Variants in HHLA2 observed in about 807,000 individuals in gnomAD.
The protein encoded by HHLA2 is HHLA2 member of B7 family, also known as HERV-H LTR-associating protein 2.
In HHLA2, 48 loss-of-function variants were observed where a neutral mutation model predicts 45.9. The observed-to-expected ratio is 1.05, with a 90% CI of 0.83 to 1.33. The LOEUF is 1.33. HHLA2 is among the 40% of genes most tolerant of loss of function. The probability of loss-of-function intolerance (pLI) is 0.00; values close to 1 mark genes in which losing one functional copy is unlikely to be tolerated. For synonymous variants in HHLA2, 161 were observed against 173.9 expected (o/e 0.93, Z 0.59); for missense variants, 462 against 494.3 (o/e 0.93, Z 0.62).
chr3:108,298,390 T>G (rs1383299913), intron 1 of HHLA2, among the ~76,000 whole-genome samples: 4 of 152,370 alleles, frequency 2.6e-5, no homozygotes, highest in East Asian at 3.9e-4. Flanking sequence ...AACACAATAC[T>G]ATCTTTATAA....
chr3:108,312,508 A>C (rs150318816), intron 2 of HHLA2, among the ~76,000 whole-genome samples: 2 of 7,540 alleles, frequency 2.7e-4, no homozygotes, highest in African/African-American at 3.2e-4. Flanking sequence ...CTTTGTATAC[A>C]CTCTTCCAGA....
At chr3:108,352,145 A>AT (rs10718672) in intron 4 of HHLA2, among the ~76,000 whole-genome samples, 25,274 of 150,426 alleles carry the variant, frequency 0.17, 2,766 homozygotes, top group Non-Finnish European at 0.25. Context: ...TGATTGATTG[A>AT]TTTTTTTTTT....
intron 7 of HHLA2, among the ~76,000 whole-genome samples, chr3:108,361,924 A>G (rs568564014): frequency 6.6e-6 from 1 of 152,356 alleles, no homozygotes; most frequent in South Asian, 2.1e-4. Flanking sequence ...ATTTATGGAC[A>G]TAATTATTCC....
At chr3:108,369,291 C>A (rs766786381) in intron 8 of HHLA2, among the ~76,000 whole-genome samples, 40 of 152,256 alleles carry the variant, frequency 2.6e-4, no homozygotes, top group Non-Finnish European at 5.6e-4. Flanking sequence ...AAAATCAACA[C>A]CCTAACATCA....
intron 2 of HHLA2, among the ~76,000 whole-genome samples, chr3:108,311,611 T>C (rs1430762724): frequency 6.6e-6 from 1 of 152,162 alleles, no homozygotes; most frequent in Non-Finnish European, 1.5e-5. Flanking sequence ...GATTGGGTAT[T>C]GGGCACAAGA....
chr3:108,319,443 T>G (rs964982833), intron 2 of HHLA2, among the ~76,000 whole-genome samples: 1 of 152,190 alleles, frequency 6.6e-6, no homozygotes, highest in Non-Finnish European at 1.5e-5. Flanking sequence ...CTTCTCCTTG[T>G]CCTTCTTGAA....
chr3:108,304,867 T>G (rs774546163), intron 1 of HHLA2, among the ~76,000 whole-genome samples: 1 of 152,196 alleles, frequency 6.6e-6, no homozygotes, highest in Non-Finnish European at 1.5e-5. Context: ...GCTGTATAAA[T>G]AGTCACATTA....
intron 8 of HHLA2, among the ~76,000 whole-genome samples, chr3:108,367,331 A>C (rs1028889889): frequency 2.6e-5 from 4 of 152,162 alleles, no homozygotes; most frequent in Non-Finnish European, 4.4e-5. Flanking sequence ...CTCCAGCAAG[A>C]GCACAAAATT....
At chr3:108,364,943 G>T (rs140756704) in intron 8 of HHLA2, among the ~76,000 whole-genome samples, 1 of 152,216 alleles carries the variant, frequency 6.6e-6, no homozygotes, top group Non-Finnish European at 1.5e-5. Flanking sequence ...CCATTCTGTA[G>T]GTTGCCTGCT....
intron 3 of HHLA2, among the ~76,000 whole-genome samples, chr3:108,331,051 C>T (rs372043211): frequency 8.6e-5 from 13 of 152,030 alleles, no homozygotes; most frequent in Admixed American, 4.6e-4. Flanking sequence ...CTACAGCTGC[C>T]GCAGTTTATT....
intron 9 of HHLA2, among the ~76,000 whole-genome samples, chr3:108,376,084 A>G (rs1276034170): frequency 1.3e-5 from 2 of 152,130 alleles, no homozygotes; most frequent in African/African-American, 4.8e-5. Context: ...TGTCTAAGAT[A>G]TGTATTAAAG....
At chr3:108,301,179 T>C (rs2080843105) in intron 1 of HHLA2, among the ~76,000 whole-genome samples, 1 of 152,164 alleles carries the variant, frequency 6.6e-6, no homozygotes, top group Admixed American at 6.6e-5. Context: ...TTATTTTATA[T>C]GCAAAACATT....
chr3:108,334,424 GA>G (rs2081437199), intron 3 of HHLA2, among the ~76,000 whole-genome samples: 1 of 152,206 alleles, frequency 6.6e-6, no homozygotes, highest in Non-Finnish European at 1.5e-5. Context: ...TCAGTCCTTT[GA>G]AAATAGCCTA....
exon 11 of HHLA2, chr3:108,377,412 C>A: frequency 3.1e-6 from 2 of 634,946 alleles, no homozygotes; most frequent in Non-Finnish European, 5.6e-6. Context: ...AGAGTTGTAA[C>A]CATTTTCTGG....
At chr3:108,330,884 A>T (rs1042730440) in intron 3 of HHLA2, among the ~76,000 whole-genome samples, 1 of 152,182 alleles carries the variant, frequency 6.6e-6, no homozygotes, top group African/African-American at 2.4e-5. Context: ...GTTATTCAGC[A>T]TATAAACATA....
intron 2 of HHLA2, among the ~76,000 whole-genome samples, chr3:108,312,388 G>A (rs573629814): frequency 6.6e-6 from 1 of 152,258 alleles, no homozygotes; most frequent in Non-Finnish European, 1.5e-5. Context: ...GCTATGTCAA[G>A]GGACAGGGAA....
intron 1 of HHLA2, among the ~76,000 whole-genome samples, chr3:108,308,740 G>C (rs1052519572): frequency 1.3e-5 from 2 of 152,112 alleles, no homozygotes; most frequent in Non-Finnish European, 2.9e-5. Flanking sequence ...TTATAGTTTT[G>C]ATTTGCATTT....
At chr3:108,357,337 TG>T (rs1283779931) in intron 6 of HHLA2, among the ~76,000 whole-genome samples, 1 of 151,970 alleles carries the variant, frequency 6.6e-6, no homozygotes, top group Non-Finnish European at 1.5e-5. Context: ...CTCAGTCCAG[TG>T]GGGGTTGCCT....
chr3:108,348,820 C>T (rs576191207), intron 3 of HHLA2, among the ~76,000 whole-genome samples: 9 of 151,664 alleles, frequency 5.9e-5, no homozygotes, highest in Non-Finnish European at 8.8e-5. Context: ...CCTGACAGGC[C>T]CCGGTGTGTG....
Sources: gnomAD v4.1 joint callset for allele counts (sites outside exome capture counted in the v4.1 genomes callset) on GRCh38, gnomAD v4.1.1 for gene constraint, MANE v1.5 for transcripts, NCBI Gene and HGNC (gene_info 2026-07-23, HGNC 2026-07-21) for gene names.